The following KALRN variants were observed in gnomAD, a reference collection of about 807,000 sequenced individuals.
KALRN encodes kalirin.
KALRN carries 70 observed loss-of-function variants against 353.7 expected under a neutral mutation model. That is an observed-to-expected ratio of 0.20 (90% CI 0.16 to 0.24). The LOEUF (loss-of-function observed/expected upper bound fraction) is 0.24, where lower values mean the gene tolerates loss of function less well. KALRN is among the 10% of genes least tolerant of loss of function. KALRN has a pLI of 1.00. For synonymous variants in KALRN, 1,391 were observed against 1,434.8 expected (o/e 0.97, Z 0.69); for missense variants, 2,791 against 3,756.7 (o/e 0.74, Z 6.72).
At chr3:124,518,495 C>CG (rs762668592) in intron 33 of KALRN, 1 of 1,613,722 alleles carries the variant, frequency 6.2e-7, no homozygotes. Flanking sequence ...TGCAGCTCAC[C>CG]GGGTTAGCCG....
intron 1 of KALRN, among the ~76,000 whole-genome samples, chr3:124,165,526 C>A (rs936741447): frequency 1.3e-5 from 2 of 152,216 alleles, no homozygotes; most frequent in African/African-American, 4.8e-5. Flanking sequence ...CACATGTGGT[C>A]CCCTCCAACA....
intron 33 of KALRN, among the ~76,000 whole-genome samples, chr3:124,551,852 C>T (rs1225775571): frequency 1.3e-5 from 2 of 152,164 alleles, no homozygotes; most frequent in African/African-American, 4.8e-5. Context: ...CTGTATGCCC[C>T]ATGCCCAGCA....
chr3:124,403,332 C>T (rs1336362725), intron 13 of KALRN, among the ~76,000 whole-genome samples: 1 of 152,140 alleles, frequency 6.6e-6, no homozygotes, highest in Non-Finnish European at 1.5e-5. Context: ...TTTCTACCAT[C>T]ATTGGATAAT....
intron 5 of KALRN, among the ~76,000 whole-genome samples, chr3:124,289,369 T>C (rs1469053464): frequency 6.6e-6 from 1 of 152,088 alleles, no homozygotes; most frequent in Non-Finnish European, 1.5e-5. Flanking sequence ...GGGGAGACCA[T>C]TTAATGGTTT....
At chr3:124,325,846 A>T in intron 6 of KALRN, 134 bp from the exon 7 acceptor site, 1 of 577,156 alleles carries the variant, frequency 1.7e-6, no homozygotes, top group Non-Finnish European at 3.0e-6. Context: ...AAACAAATAC[A>T]CTAGTATGGA....
intron 1 of KALRN, among the ~76,000 whole-genome samples, chr3:124,136,961 G>A (rs1158966288): frequency 6.6e-6 from 1 of 152,188 alleles, no homozygotes; most frequent in African/African-American, 2.4e-5. Flanking sequence ...AGCAGACCCG[G>A]ATGATTAGGG....
chr3:124,462,705 G>C, intron 25 of KALRN, 72 bp downstream of exon 25: 1 of 840,846 alleles, frequency 1.2e-6, no homozygotes, highest in Non-Finnish European at 2.0e-6. Flanking sequence ...CCCAAGAAGT[G>C]GATCAAAGGC....
intron 43 of KALRN, among the ~76,000 whole-genome samples, chr3:124,659,673 A>G (rs333296): frequency 0.61 from 91,972 of 151,870 alleles, 28,630 homozygotes; most frequent in African/African-American, 0.76. Context: ...TGTTCTTCCT[A>G]CCCTTAAGGT....
At chr3:124,219,111 A>G (rs1457708717) in intron 1 of KALRN, among the ~76,000 whole-genome samples, 1 of 152,248 alleles carries the variant, frequency 6.6e-6, no homozygotes, top group African/African-American at 2.4e-5. Flanking sequence ...AGAAGGTGTC[A>G]TGACACTTGG....
intron 34 of KALRN, among the ~76,000 whole-genome samples, chr3:124,587,240 C>T (rs1049888679): frequency 1.4e-5 from 2 of 147,546 alleles, no homozygotes; most frequent in South Asian, 4.4e-4. Flanking sequence ...TAAAGGCGGC[C>T]GGTTGTTTGG....
intron 1 of KALRN, among the ~76,000 whole-genome samples, chr3:124,129,649 C>T (rs998186015): frequency 6.6e-6 from 1 of 152,176 alleles, no homozygotes. Context: ...AGAGCTTGGT[C>T]TTCTGTTGTA....
intron 1 of KALRN, among the ~76,000 whole-genome samples, chr3:124,087,654 C>T (rs2060893468): frequency 6.6e-6 from 1 of 152,114 alleles, no homozygotes; most frequent in African/African-American, 2.4e-5. Flanking sequence ...AGTTCTTCTG[C>T]TCCATGTGGT....
chr3:124,117,679 G>A (rs2063579269), intron 1 of KALRN, among the ~76,000 whole-genome samples: 1 of 152,156 alleles, frequency 6.6e-6, no homozygotes, highest in African/African-American at 2.4e-5. Context: ...GGATGACTCA[G>A]ACTTGGTGAG....
At chr3:124,142,758 C>G (rs77455310) in intron 1 of KALRN, among the ~76,000 whole-genome samples, 3,171 of 152,150 alleles carry the variant, frequency 0.021, 99 homozygotes, top group African/African-American at 0.072. Context: ...TCTCCACCCC[C>G]CACCCACTCC....
In KALRN at chr3:124,304,650, A is replaced by G. The variant is rs150137567; in HGVS notation, c.1092+5737A>G. On this transcript the variant is annotated intron_variant, in intron 6 of 59. Transcript: ENST00000682506. ...CCAAAATGCATACAGCAAATGAAAA[A>G]CATTTATTCAAGAACATACACTAAA... is the stretch of plus-strand genomic sequence containing the variant. Among the ~76,000 whole-genome samples, 181 of 152,320 alleles carry G rather than the reference A, an allele frequency of 1.2e-3. No individual in the cohort carries two copies. In the East Asian group the frequency reaches 0.016, roughly 14 times the overall value.
chr3:124,506,612 A>G (rs571212466), intron 33 of KALRN, among the ~76,000 whole-genome samples: 11 of 151,586 alleles, frequency 7.3e-5, no homozygotes, highest in African/African-American at 2.6e-4. Context: ...TCCTATATAC[A>G]TTGCTTTCTG....
chr3:124,605,263 G>A (rs909627277), intron 34 of KALRN, among the ~76,000 whole-genome samples: 1 of 151,690 alleles, frequency 6.6e-6, no homozygotes, highest in African/African-American at 2.4e-5. Context: ...CTTTCTGTGT[G>A]TGGTTATAGA....
intron 49 of KALRN, among the ~76,000 whole-genome samples, chr3:124,677,125 T>A (rs544342730): frequency 2.0e-5 from 3 of 152,292 alleles, no homozygotes; most frequent in Admixed American, 2.0e-4. Context: ...CCTCTGCCTC[T>A]CTCCCATAAT....
chr3:124,321,725 C>G (rs370530743), intron 6 of KALRN, among the ~76,000 whole-genome samples: 4 of 152,054 alleles, frequency 2.6e-5, no homozygotes, highest in Non-Finnish European at 5.9e-5. Flanking sequence ...TTTGAGTTAT[C>G]GAGATTTTGT....
Sources: gnomAD v4.1 joint callset for allele counts (sites outside exome capture counted in the v4.1 genomes callset) on GRCh38, gnomAD v4.1.1 for gene constraint, MANE v1.5 for transcripts, NCBI Gene and HGNC (gene_info 2026-07-23, HGNC 2026-07-21) for gene names.